ARHGAP23: variants seen among roughly 807,000 people sequenced by gnomAD.
ARHGAP23 encodes the protein Rho GTPase activating protein 23.
Under a neutral mutation model 136.3 loss-of-function variants are expected in ARHGAP23, and 34 were observed. That is an observed-to-expected ratio of 0.25 (90% CI 0.19 to 0.33). ARHGAP23 has a LOEUF of 0.33. Among genes scored for constraint, ARHGAP23 ranks in the 10% least tolerant of loss-of-function variants. ARHGAP23 has a pLI of 1.00. For synonymous variants in ARHGAP23, 832 were observed against 920.5 expected (o/e 0.90, Z 1.74); for missense variants, 1,808 against 2,139.0 (o/e 0.85, Z 3.05).
chr17:38,453,039 C>G (rs921052600), intron 1 of ARHGAP23, among the ~76,000 whole-genome samples: 1 of 152,140 alleles, frequency 6.6e-6, no homozygotes, highest in Non-Finnish European at 1.5e-5. Context: ...CTGTGGCATC[C>G]ATGCCTGGAG....
intron 1 of ARHGAP23, among the ~76,000 whole-genome samples, chr17:38,422,863 C>T (rs1281015789): frequency 6.6e-6 from 1 of 152,166 alleles, no homozygotes; most frequent in East Asian, 1.9e-4. Context: ...CATTGCCCCA[C>T]CCTCCATCAT....
chr17:38,489,991 G>A (rs1597831420), intron 17 of ARHGAP23, 111 bp from the exon 18 acceptor site: 2 of 990,888 alleles, frequency 2.0e-6, no homozygotes, highest in Non-Finnish European at 3.1e-6. Flanking sequence ...CCACGCTGGA[G>A]CCCCCGAACT....
intron 1 of ARHGAP23, among the ~76,000 whole-genome samples, chr17:38,441,972 T>G (rs551822787): frequency 6.6e-6 from 1 of 152,200 alleles, no homozygotes; most frequent in East Asian, 1.9e-4. Flanking sequence ...ACTCCTTTTT[T>G]TTGAGCCTGG....
At chr17:38,476,627 G>A (rs540291380) in intron 11 of ARHGAP23, among the ~76,000 whole-genome samples, 10 of 152,176 alleles carry the variant, frequency 6.6e-5, no homozygotes, top group African/African-American at 7.2e-5. Flanking sequence ...TTAAAGGCAC[G>A]GCAGAGGTGA....
chr17:38,509,961 GA>G lies in ARHGAP23; in HGVS notation c.3467del (p.Lys1156ArgfsTer127). On this transcript the variant is annotated frameshift_variant, in exon 24 of 24. Transcript: ENST00000622683. LOFTEE classifies it high-confidence loss of function. Reference protein sequence around the residue: ...AKSKGSWAPKKEPYAREMLAI... With the variant: ...AKSKGSWAPKXEPYAREMLAI... The stretch of plus-strand genomic sequence containing the variant: ...CCACACAGGGTTCGTGGGCCCCCAA[GA>G]AGGAGCCGTACGCCCGGGAGATGCT... 1 of 1,250,862 alleles carries G rather than the reference GA, an allele frequency of 8.0e-7. No homozygotes were observed. The highest frequency in any genetic ancestry group is 1.0e-6 in the Non-Finnish European group (1 of 992,020). 77.5% of individuals were successfully genotyped at this position (1,250,862 alleles called of 1,614,324 possible).
chr17:38,472,276 T>A (rs2039778123), intron 11 of ARHGAP23, among the ~76,000 whole-genome samples: 1 of 151,926 alleles, frequency 6.6e-6, no homozygotes, highest in Non-Finnish European at 1.5e-5. Flanking sequence ...ACACGGGCCC[T>A]GGCTTGACAG....
intron 11 of ARHGAP23, among the ~76,000 whole-genome samples, chr17:38,472,634 C>T (rs1407001621): frequency 6.6e-6 from 1 of 152,008 alleles, no homozygotes; most frequent in Non-Finnish European, 1.5e-5. Context: ...GGGCAGGGCC[C>T]CTGGATCCAT....
chr17:38,426,465 G>C (rs991067053), upstream of ARHGAP23, among the ~76,000 whole-genome samples: 1 of 147,534 alleles, frequency 6.8e-6, no homozygotes, highest in Non-Finnish European at 1.5e-5. Flanking sequence ...CAGAAGAATA[G>C]CTTGAATCTG....
At position 38,463,164 on chromosome 17, in the gene ARHGAP23, C is replaced by T. The variant is rs368118691; in HGVS notation, c.396C>T (p.Thr132=). The T allele has an allele frequency of 3.9e-6, 6 of 1,551,572 alleles. No homozygotes were observed. Among genetic ancestry groups the T allele is most frequent in the Non-Finnish European group, 5.2e-6 (6 of 1,146,916 alleles). Residue 132 remains threonine, a synonymous_variant, in exon 5 of 24, where the codon ACC becomes ACT. Coordinates refer to ENST00000622683, the MANE Select transcript of ARHGAP23 (RefSeq NM_001199417.2). ...ATGGGGAAAGCGTCATTGGGAAGAC[C>T]TACTCTCAGGTCATAGCTCTGATCC... ...KVNGESVIGK[T]YSQVIALIQN...
chr17:38,471,222 G>A (rs529033947), intron 10 of ARHGAP23, among the ~76,000 whole-genome samples: 1 of 152,302 alleles, frequency 6.6e-6, no homozygotes, highest in African/African-American at 2.4e-5. Flanking sequence ...CAAAGTGCTG[G>A]GATTACAGGC....
At chr17:38,506,381 G>T (rs1393470240) in intron 23 of ARHGAP23, among the ~76,000 whole-genome samples, 1 of 152,202 alleles carries the variant, frequency 6.6e-6, no homozygotes, top group Non-Finnish European at 1.5e-5. Context: ...GTTAGGAGAT[G>T]AGGCCTGCCC....
chr17:38,458,766 T>G (rs968705156), intron 2 of ARHGAP23, among the ~76,000 whole-genome samples: 4 of 152,148 alleles, frequency 2.6e-5, no homozygotes, highest in Non-Finnish European at 4.4e-5. Flanking sequence ...CTCAGTGCGC[T>G]GGAAACAGAC....
rs929914337 is a variant in ARHGAP23, at chr17:38,477,085, C to T, written c.2119-494C>T. Reference sequence around the variant, plus strand: ...GCAGCCACTGGCTTTGGCCACATGGCGGTTCTGGGTGTCCCTGAGAAGGAG... The same window carrying T: ...GCAGCCACTGGCTTTGGCCACATGGTGGTTCTGGGTGTCCCTGAGAAGGAG... On this transcript the variant is annotated intron_variant, in intron 11 of 23. Coordinates refer to ENST00000622683, the MANE Select transcript of ARHGAP23 (RefSeq NM_001199417.2). This position sits in a 1 kb window ranked among gnomAD's most constrained non-coding sequence, Gnocchi z 6.6. Among the ~76,000 whole-genome samples, 2 of 151,934 alleles carry T rather than the reference C, an allele frequency of 1.3e-5. No individual in the cohort carries two copies. The highest frequency in any genetic ancestry group is 6.6e-5 in the Admixed American group (1 of 15,262).
rs145649241 is a variant in ARHGAP23 at position 38,500,739 on chromosome 17, G to T, written c.3447+111G>T. 2,642 of 1,019,964 alleles carry T rather than the reference G, an allele frequency of 2.6e-3. 52 individuals are homozygous for T. In the African/African-American group the frequency reaches 0.038, roughly 15 times the overall value. 63.2% of individuals were successfully genotyped at this position (1,019,964 alleles called of 1,614,324 possible). A position where few individuals can be genotyped will look rare whatever the true frequency, so the allele number is the denominator to read the frequency against. On this transcript the variant is annotated intron_variant, in intron 23 of 23. Transcript: ENST00000622683. ...AGTTGGACCATGGGGAAAGTTGATG[G>T]TCCCTGGGAGGGAAGGCAGGAGGTA...
At position 38,481,998 on chromosome 17, in the gene ARHGAP23, C is replaced by T. The variant is rs1001540036; in HGVS notation, c.2630-24C>T. On this transcript the variant is annotated intron_variant, in intron 14 of 23. Transcript: ENST00000622683. ...ACCCTCCTGGATACCCCAGCTCACT[C>T]TGGCTCTGTCTCCCCCACTTCAGAT... 2.0e-6 allele frequency: 3 copies of T among 1,506,778 alleles called. No individual in the cohort carries two copies. The African/African-American group carries it at 4.3e-5, about 21-fold the overall frequency. 93.3% of individuals were successfully genotyped at this position (1,506,778 alleles called of 1,614,324 possible).
Position 38,463,212 on chromosome 17 carries a change from C to G in ARHGAP23, c.428+16C>G. 6.4e-7 allele frequency: 1 copy of G among 1,551,044 alleles called. No homozygotes were observed. Among genetic ancestry groups the G allele is most frequent in the Non-Finnish European group, 8.7e-7 (1 of 1,146,574 alleles). ...TCCAGAATAGGTGAGTGTCCCTGAC[C>G]CCTCGTCCCATATTATCTCCCCTCC... is the stretch of plus-strand genomic sequence containing the variant. On this transcript the variant is annotated intron_variant, in intron 5 of 23. Coordinates refer to ENST00000622683, the MANE Select transcript of ARHGAP23 (RefSeq NM_001199417.2).
chr17:38,466,501 C>T lies in ARHGAP23; in HGVS notation c.818C>T (p.Pro273Leu), dbSNP rs1290087924. The T allele has an allele frequency of 6.0e-6, 9 of 1,494,380 alleles. No individual in the cohort carries two copies. In the Admixed American group the frequency reaches 8.7e-5, roughly 14 times the overall value. 92.6% of individuals were successfully genotyped at this position (1,494,380 alleles called of 1,614,324 possible). A position where few individuals can be genotyped will look rare whatever the true frequency, so the allele number is the denominator to read the frequency against. ...CGGACGCCCCGTGCCTTCCCAGAGC[C>T]TGGCAGCCGGGTGCCCCCCAGCAGA... ...EPRTPRAFPE[P>L]GSRVPPSRLE... Residue 273 changes from proline (P) to leucine (L), a missense_variant, in exon 7 of 24, where the codon CCT (proline) becomes CTT (leucine). Pro to Leu is a moderately conservative substitution (Grantham distance 98, BLOSUM62 -3). Around this residue, in one of 7 missense-constraint regions of ARHGAP23, gnomAD observed 859 missense variants for 936.4 expected, o/e 0.92. Transcript: ENST00000622683.
chr17:38,448,650 T>TG (rs2039088132), intron 1 of ARHGAP23, among the ~76,000 whole-genome samples: 1 of 148,196 alleles, frequency 6.7e-6, no homozygotes, highest in African/African-American at 2.5e-5. Context: ...AGTTTTTTTT[T>TG]TTTTTTTTTT....
chr17:38,483,540 A>G (rs559284764), intron 16 of ARHGAP23, among the ~76,000 whole-genome samples: 2 of 152,362 alleles, frequency 1.3e-5, no homozygotes, highest in South Asian at 2.1e-4. Flanking sequence ...TTCATGTACA[A>G]TTTTATTTGC....
Sources: allele counts gnomAD v4.1 joint callset (sites outside exome capture counted in the v4.1 genomes callset), GRCh38; gene constraint gnomAD v4.1.1; regional missense constraint gnomAD v4.1.1; non-coding constraint Gnocchi (gnomAD v3.1); transcripts MANE v1.5; gene names NCBI Gene and HGNC (gene_info 2026-07-23, HGNC 2026-07-21).